The following BCR variants were observed in gnomAD, a reference collection of about 807,000 sequenced individuals.
BCR encodes the protein breakpoint cluster region protein.
A neutral mutation model predicts 138.6 loss-of-function variants in BCR; 58 were observed. The ratio of observed to expected loss-of-function variants is 0.42; its 90% CI spans 0.34 to 0.52. The LOEUF is 0.52. Ranked by LOEUF, BCR falls within the 20% of genes least tolerant of loss-of-function variation. The pLI is 0.06. For synonymous variants in BCR, 786 were observed against 730.1 expected, an observed-to-expected ratio of 1.08 and a Z score of -1.23; for missense variants, 1,599 against 1,727.2, an observed-to-expected ratio of 0.93 and a Z score of 1.32.
chr22:23,265,297 C>T (rs2073427199), intron 4 of BCR, among the ~76,000 whole-genome samples: 2 of 152,250 alleles, frequency 1.3e-5, no homozygotes, highest in African/African-American at 4.8e-5. Context: ...GAGCTGAGTA[C>T]TCACGTGTGT....
At chr22:23,249,604 G>A (rs547829692) in intron 1 of BCR, among the ~76,000 whole-genome samples, 8 of 151,868 alleles carry the variant, frequency 5.3e-5, no homozygotes, top group African/African-American at 1.9e-4. Flanking sequence ...AATCACGGGT[G>A]GGGGGTGGTG....
At position 23,316,153 on chromosome 22, in the gene BCR, TGGAA is replaced by T. The variant is rs1298595254; in HGVS notation, c.*634_*637del. ...CTTTTGTTGCCATGTTAGTCCTCCT[TGGAA>T]GGCAGCTCAGAAGGCCTGTGAAATG... On this transcript the variant is annotated 3_prime_UTR_variant, in exon 23 of 23. Coordinates refer to ENST00000305877, the MANE Select transcript of BCR (RefSeq NM_004327.4). The T allele has an allele frequency of 5.9e-6, 1 of 168,698 alleles. No homozygotes were observed. Among genetic ancestry groups the T allele is most frequent in the East Asian group, 1.3e-4 (1 of 7,788 alleles). The allele number at this position is 168,698 out of a possible 1,614,324, so 10.5% of individuals were successfully genotyped here.
intron 4 of BCR, chr22:23,262,865 C>T (rs1274639152): frequency 3.2e-5 from 34 of 1,050,204 alleles, no homozygotes; most frequent in Non-Finnish European, 3.4e-5. Context: ...GGGCCGCAGA[C>T]GGCGAAGGAG....
At chr22:23,233,012 T>A (rs1165208906) in intron 1 of BCR, among the ~76,000 whole-genome samples, 2 of 152,242 alleles carry the variant, frequency 1.3e-5, no homozygotes, top group Non-Finnish European at 2.9e-5. Context: ...TCTAATAGCT[T>A]CAGCCTGGAC....
chr22:23,186,583 T>A (rs553350988), intron 1 of BCR, among the ~76,000 whole-genome samples: 2 of 152,322 alleles, frequency 1.3e-5, no homozygotes, highest in African/African-American at 4.8e-5. Flanking sequence ...ACTGCCATTC[T>A]CCATCTGTGT....
chr22:23,180,640 C>T lies in BCR; in HGVS notation c.-321C>T. 6.1e-6 allele frequency: 1 copy of T among 164,572 alleles called. No individual in the cohort carries two copies. Among genetic ancestry groups the T allele is most frequent in the Non-Finnish European group, 1.3e-5 (1 of 79,066 alleles). The allele number at this position is 164,572 out of a possible 1,614,324, so 10.2% of individuals were successfully genotyped here. On this transcript the variant is annotated 5_prime_UTR_variant, in exon 1 of 23. Transcript: ENST00000305877. ...CGGTGCGGAAGCGAGAGGCGAGGAG[C>T]GCGCGGGCCGTGGCCAGAGTCTGGC...
At position 23,315,600 on chromosome 22, in the gene BCR, C is replaced by G. The variant is rs894052650; in HGVS notation, c.*78C>G. The G allele has an allele frequency of 1.3e-5, 19 of 1,413,560 alleles. No homozygotes were observed. The highest frequency in any genetic ancestry group is 1.9e-5 in the Non-Finnish European group (19 of 1,006,564). 87.6% of individuals were successfully genotyped at this position (1,413,560 alleles called of 1,614,324 possible). On this transcript the variant is annotated 3_prime_UTR_variant, in exon 23 of 23. Transcript: ENST00000305877. ...AATCGGGCCATCCGTAGAGCGGGAA[C>G]CTTCCTGAGGTGTCCTTGGGCCACC...
chr22:23,243,119 A>G (rs1310736010), intron 1 of BCR: 1 of 247,172 alleles, frequency 4.0e-6, no homozygotes, highest in Non-Finnish European at 8.2e-6. Flanking sequence ...AAATCATTGT[A>G]ATTTCCTGAA....
chr22:23,185,526 G>A (rs962586738), intron 1 of BCR, among the ~76,000 whole-genome samples: 8 of 151,724 alleles, frequency 5.3e-5, no homozygotes, highest in African/African-American at 1.9e-4. Flanking sequence ...TTAGCCGGGT[G>A]TGGTGGCCGG....
chr22:23,315,429 G>A lies in BCR; in HGVS notation c.3727-4G>A. On this transcript the variant is annotated splice_region_variant and splice_polypyrimidine_tract_variant and intron_variant, in intron 22 of 22. Transcript: ENST00000305877. ...CTCTTCTCTTCCCTACTCTGCCCGG[G>A]CAGGTCCAGGTGCTGCTGTACTTCC... is the stretch of plus-strand genomic sequence containing the variant. 1 of 1,613,646 alleles carries A rather than the reference G, an allele frequency of 6.2e-7. No homozygotes were observed. Among genetic ancestry groups the A allele is most frequent in the Non-Finnish European group, 8.5e-7 (1 of 1,179,922 alleles).
At chr22:23,207,230 A>T (rs1157178692) in intron 1 of BCR, among the ~76,000 whole-genome samples, 1 of 152,140 alleles carries the variant, frequency 6.6e-6, no homozygotes, top group Non-Finnish European at 1.5e-5. Flanking sequence ...AACAGCTGAT[A>T]AAGGGGTGCT....
In BCR at chr22:23,181,011, C is replaced by G. The variant is rs758542346; in HGVS notation, c.51C>G (p.Asp17Glu). 8 of 1,485,668 alleles carry G rather than the reference C, an allele frequency of 5.4e-6. No individual in the cohort carries two copies. The African/African-American group carries it at 1.0e-4, about 19-fold the overall frequency. The allele number at this position is 1,485,668 out of a possible 1,614,324, so 92.0% of individuals were successfully genotyped here. A position where few individuals can be genotyped will look rare whatever the true frequency, so the allele number is the denominator to read the frequency against. The change falls in exon 1 of 23, where the codon GAC becomes GAG. Residue 17 changes from aspartate to glutamate, a missense_variant. By Grantham distance (45) the Asp-to-Glu change is conservative. Coordinates refer to ENST00000305877, the MANE Select transcript of BCR (RefSeq NM_004327.4). ...FAEAWKAQFP[D>E]SEPPRMELRS... ...AGGCGTGGAAGGCGCAGTTCCCGGACTCAGAGCCCCCGCGCATGGAGCTGC... is the reference window on the plus strand; with the variant it reads ...AGGCGTGGAAGGCGCAGTTCCCGGAGTCAGAGCCCCCGCGCATGGAGCTGC...
At chr22:23,246,075 A>G (rs2073154410) in intron 1 of BCR, among the ~76,000 whole-genome samples, 1 of 152,122 alleles carries the variant, frequency 6.6e-6, no homozygotes, top group Admixed American at 6.5e-5. Flanking sequence ...TATTTCCCGT[A>G]GCATCATGTT....
chr22:23,283,736 G>A, intron 8 of BCR: 1 of 495,918 alleles, frequency 2.0e-6, no homozygotes, highest in Non-Finnish European at 3.5e-6. Context: ...TGAACACACA[G>A]GAGGGATTGG....
intron 1 of BCR, among the ~76,000 whole-genome samples, chr22:23,189,621 C>A (rs1463393045): frequency 6.6e-6 from 1 of 152,216 alleles, no homozygotes; most frequent in African/African-American, 2.4e-5. Flanking sequence ...CTGCCTCAGC[C>A]ACCCAAGTAG....
intron 1 of BCR, among the ~76,000 whole-genome samples, chr22:23,214,951 G>A (rs1001076215): frequency 1.3e-5 from 2 of 152,122 alleles, no homozygotes; most frequent in Admixed American, 6.5e-5. Context: ...TCCCCAGACT[G>A]AAGGTCTGTA....
At chr22:23,189,736 G>A (rs1271338725) in intron 1 of BCR, among the ~76,000 whole-genome samples, 2 of 152,086 alleles carry the variant, frequency 1.3e-5, no homozygotes, top group African/African-American at 2.4e-5. Context: ...GTTTGACCCC[G>A]TGATCCACCC....
At chr22:23,257,700 T>C (rs1338798135) in intron 2 of BCR, among the ~76,000 whole-genome samples, 3 of 152,190 alleles carry the variant, frequency 2.0e-5, no homozygotes, top group Non-Finnish European at 2.9e-5. Flanking sequence ...GGGGGTGTCA[T>C]AGGTCGCCCC....
chr22:23,200,657 C>CA (rs1568930270), intron 1 of BCR, among the ~76,000 whole-genome samples: 2 of 152,298 alleles, frequency 1.3e-5, no homozygotes, highest in South Asian at 4.1e-4. Flanking sequence ...TCTCCAGGCT[C>CA]AGGCGATTCT....
Sources: gnomAD v4.1 joint callset for allele counts (sites outside exome capture counted in the v4.1 genomes callset) on GRCh38, gnomAD v4.1.1 for gene constraint, MANE v1.5 for transcripts, NCBI Gene and HGNC (gene_info 2026-07-23, HGNC 2026-07-21) for gene names.